UBE2E2: variants seen among roughly 807,000 people sequenced by gnomAD.
UBE2E2 encodes the protein ubiquitin-conjugating enzyme E2 E2.
In UBE2E2, 6 loss-of-function variants were observed where a neutral mutation model predicts 24.7. That is an observed-to-expected ratio of 0.24 (90% CI 0.13 to 0.48). The LOEUF (loss-of-function observed/expected upper bound fraction) is 0.48, where lower values mean the gene tolerates loss of function less well. UBE2E2 is among the 20% of genes least tolerant of loss of function. UBE2E2 has a pLI of 0.99. For synonymous variants in UBE2E2, 104 were observed against 83.6 expected, an observed-to-expected ratio of 1.24 and a Z score of -1.33; for missense variants, 169 against 245.0, an observed-to-expected ratio of 0.69 and a Z score of 2.07.
chr3:23,307,032 A>G (rs1699253455), intron 3 of UBE2E2, among the ~76,000 whole-genome samples: 1 of 152,206 alleles, frequency 6.6e-6, no homozygotes, highest in Non-Finnish European at 1.5e-5. Context: ...TTATAATACA[A>G]AAAAGCAACA....
intron 3 of UBE2E2, among the ~76,000 whole-genome samples, chr3:23,478,363 T>A (rs892264587): frequency 6.6e-6 from 1 of 152,108 alleles, no homozygotes; most frequent in South Asian, 2.1e-4. Context: ...TGGCTAACTC[T>A]GAGAAAATGG....
At chr3:23,314,346 T>C (rs1342312060) in intron 3 of UBE2E2, among the ~76,000 whole-genome samples, 1 of 152,138 alleles carries the variant, frequency 6.6e-6, no homozygotes, top group Admixed American at 6.6e-5. Flanking sequence ...TCCAGGCTGG[T>C]CTCATACTCC....
At chr3:23,463,734 G>A (rs189331626) in intron 3 of UBE2E2, among the ~76,000 whole-genome samples, 2 of 152,170 alleles carry the variant, frequency 1.3e-5, no homozygotes, top group East Asian at 3.9e-4. Flanking sequence ...AGTGTAATGT[G>A]GTAACCATTG....
At chr3:23,516,361 C>T (rs1694741781) in intron 4 of UBE2E2, among the ~76,000 whole-genome samples, 1 of 152,110 alleles carries the variant, frequency 6.6e-6, no homozygotes, top group South Asian at 2.1e-4. Context: ...AACTGTGAAC[C>T]AAATCTGCAA....
chr3:23,559,287 T>G (rs1199310303), intron 5 of UBE2E2, among the ~76,000 whole-genome samples: 7 of 152,124 alleles, frequency 4.6e-5, no homozygotes, highest in African/African-American at 1.7e-4. Context: ...TTAACATCAC[T>G]CCCAGAGGCA....
intron 3 of UBE2E2, among the ~76,000 whole-genome samples, chr3:23,336,812 G>C (rs965792471): frequency 1.3e-5 from 2 of 152,126 alleles, no homozygotes; most frequent in African/African-American, 2.4e-5. Context: ...ATGTTAATCA[G>C]TTTTAACAGT....
chr3:23,217,124 A>G, intron 2 of UBE2E2, 138 bp from the exon 3 acceptor site: 1 of 808,004 alleles, frequency 1.2e-6, no homozygotes, highest in Non-Finnish European at 1.9e-6. Flanking sequence ...TGTTTGTTGG[A>G]TGTGATTCTT....
intron 5 of UBE2E2, among the ~76,000 whole-genome samples, chr3:23,548,194 C>T (rs1259225206): frequency 6.6e-6 from 1 of 152,160 alleles, no homozygotes; most frequent in African/African-American, 2.4e-5. Flanking sequence ...TGAATCACGT[C>T]AGAGGTTACA....
At position 23,281,061 on chromosome 3, in the gene UBE2E2, C is replaced by G. The variant is rs184599837; in HGVS notation, c.227+63749C>G. ...TCTTTTATAATAGCACTAATCCCAT[C>G]GTCAGGGACCCACCCTCATGACCTA... On this transcript the variant is annotated intron_variant, in intron 3 of 5. Transcript: ENST00000396703. Among the ~76,000 whole-genome samples the G allele has an allele frequency of 6.4e-4, 98 of 152,274 alleles. 5 individuals are homozygous for G. In the East Asian group the frequency reaches 0.015, roughly 24 times the overall value.
intron 3 of UBE2E2, among the ~76,000 whole-genome samples, chr3:23,315,131 A>G (rs1694534432): frequency 6.6e-6 from 1 of 152,086 alleles, no homozygotes; most frequent in South Asian, 2.1e-4. Flanking sequence ...TGTGTTAGAA[A>G]ATTTTGGTGC....
chr3:23,227,810 T>C (rs984051696), intron 3 of UBE2E2, among the ~76,000 whole-genome samples: 2 of 152,220 alleles, frequency 1.3e-5, no homozygotes, highest in Non-Finnish European at 2.9e-5. Flanking sequence ...TCTTGCCTTA[T>C]GTTCCATTGG....
At chr3:23,467,356 T>C (rs966178715) in intron 3 of UBE2E2, among the ~76,000 whole-genome samples, 1 of 152,218 alleles carries the variant, frequency 6.6e-6, no homozygotes, top group Admixed American at 6.5e-5. Flanking sequence ...TTTTGTTGTT[T>C]AATCTGTTGG....
At chr3:23,229,126 C>T (rs983998381) in intron 3 of UBE2E2, among the ~76,000 whole-genome samples, 1 of 152,174 alleles carries the variant, frequency 6.6e-6, no homozygotes, top group Non-Finnish European at 1.5e-5. Context: ...AGGTAGCATT[C>T]AGTTCAGTAT....
chr3:23,425,485 G>A (rs1227920035), intron 3 of UBE2E2, among the ~76,000 whole-genome samples: 1 of 152,090 alleles, frequency 6.6e-6, no homozygotes, highest in East Asian at 1.9e-4. Flanking sequence ...AAAATAAACA[G>A]GTTAAAAAGC....
At chr3:23,448,077 A>AT (rs570164213) in intron 3 of UBE2E2, among the ~76,000 whole-genome samples, 5 of 151,574 alleles carry the variant, frequency 3.3e-5, no homozygotes, top group Non-Finnish European at 5.9e-5. Flanking sequence ...TAAAGGCAGT[A>AT]TTTTTTTTTC....
At chr3:23,439,565 G>C (rs1413753380) in intron 3 of UBE2E2, among the ~76,000 whole-genome samples, 2 of 152,186 alleles carry the variant, frequency 1.3e-5, no homozygotes, top group Non-Finnish European at 2.9e-5. Flanking sequence ...GATTATGAGA[G>C]AGAACGTTGA....
intron 3 of UBE2E2, among the ~76,000 whole-genome samples, chr3:23,301,016 C>G (rs536275440): frequency 1.3e-5 from 2 of 152,148 alleles, no homozygotes; most frequent in African/African-American, 4.8e-5. Flanking sequence ...CTTCTCTTCT[C>G]GCTTCATTTC....
intron 3 of UBE2E2, among the ~76,000 whole-genome samples, chr3:23,272,426 C>G (rs1473625414): frequency 2.0e-5 from 3 of 152,226 alleles, no homozygotes; most frequent in African/African-American, 7.2e-5. Context: ...TGGCTCCATA[C>G]TTGGCCAGCC....
At chr3:23,451,396 C>T (rs1698559922) in intron 3 of UBE2E2, among the ~76,000 whole-genome samples, 1 of 152,044 alleles carries the variant, frequency 6.6e-6, no homozygotes, top group African/African-American at 2.4e-5. Flanking sequence ...CTGAGCAATA[C>T]TTATAATTTT....
Sources: gnomAD v4.1 joint callset for allele counts (sites outside exome capture counted in the v4.1 genomes callset) on GRCh38, gnomAD v4.1.1 for gene constraint, MANE v1.5 for transcripts, NCBI Gene and HGNC (gene_info 2026-07-23, HGNC 2026-07-21) for gene names.